The following TACC2 variants were observed in gnomAD, a reference collection of about 807,000 sequenced individuals.
TACC2 encodes transforming acidic coiled-coil-containing protein 2.
In TACC2, 137 loss-of-function variants were observed where a neutral mutation model predicts 227.3. The ratio of observed to expected loss-of-function variants is 0.60; its 90% CI spans 0.52 to 0.69. TACC2 has a LOEUF of 0.69. Among genes scored for constraint, TACC2 ranks in the 30% least tolerant of loss-of-function variants. The pLI is 0.00. For missense variants in TACC2, 3,470 were observed against 3,694.4 expected (o/e 0.94, Z 1.57); for synonymous variants, 1,523 against 1,487.5 (o/e 1.02, Z -0.55).
intron 7 of TACC2, among the ~76,000 whole-genome samples, chr10:122,167,921 C>G (rs2093270843): frequency 6.6e-6 from 1 of 152,140 alleles, no homozygotes; most frequent in African/African-American, 2.4e-5. Context: ...GTGTTTCACT[C>G]TGTTGCGCAG....
At chr10:122,015,595 T>C (rs916632553) in intron 1 of TACC2, among the ~76,000 whole-genome samples, 1 of 152,142 alleles carries the variant, frequency 6.6e-6, no homozygotes, top group Non-Finnish European at 1.5e-5. Flanking sequence ...TTCATGCCTG[T>C]AATCCTAGCA....
intron 7 of TACC2, among the ~76,000 whole-genome samples, chr10:122,173,861 G>A (rs942193127): frequency 3.3e-5 from 5 of 152,332 alleles, no homozygotes; most frequent in Admixed American, 1.3e-4. Context: ...GCCCCTCTCT[G>A]GGGGCACAGC....
At chr10:122,251,624 C>T (rs1442560683) in intron 22 of TACC2, among the ~76,000 whole-genome samples, 1 of 152,140 alleles carries the variant, frequency 6.6e-6, no homozygotes, top group African/African-American at 2.4e-5. Flanking sequence ...TGCTGGAGCC[C>T]AGAAGTTCGA....
At chr10:122,001,992 G>T (rs1209958008) in intron 1 of TACC2, among the ~76,000 whole-genome samples, 1 of 152,166 alleles carries the variant, frequency 6.6e-6, no homozygotes, top group Non-Finnish European at 1.5e-5. Context: ...TTCAGCCCAG[G>T]CTGCTATAAC....
At chr10:122,220,175 G>A (rs910736705) in intron 11 of TACC2, among the ~76,000 whole-genome samples, 4 of 151,752 alleles carry the variant, frequency 2.6e-5, no homozygotes, top group African/African-American at 9.7e-5. Flanking sequence ...AATACTAACA[G>A]TACTTTTAGG....
chr10:122,072,849 C>T (rs1343323932), intron 3 of TACC2, among the ~76,000 whole-genome samples: 1 of 152,076 alleles, frequency 6.6e-6, no homozygotes, highest in East Asian at 1.9e-4. Flanking sequence ...GGCGTGGCGG[C>T]TCACGCGTAA....
At chr10:122,225,757 G>T (rs117029457) in intron 12 of TACC2, among the ~76,000 whole-genome samples, 1 of 152,178 alleles carries the variant, frequency 6.6e-6, no homozygotes, top group Non-Finnish European at 1.5e-5. Context: ...AATTCGTGAG[G>T]AGCATGCCCT....
intron 5 of TACC2, 57 bp from the exon 6 acceptor site, chr10:122,132,552 A>C: frequency 1.2e-6 from 2 of 1,607,598 alleles, no homozygotes; most frequent in South Asian, 1.1e-5. Flanking sequence ...TCCGTCTCAA[A>C]ACAAAAACTT....
At chr10:122,224,499 T>C (rs1406290596) in intron 11 of TACC2, among the ~76,000 whole-genome samples, 1 of 152,146 alleles carries the variant, frequency 6.6e-6, no homozygotes, top group Non-Finnish European at 1.5e-5. Flanking sequence ...GCCTCCCTAA[T>C]GGCAGAAGCC....
chr10:122,083,953 GACCCT>G lies in TACC2; in HGVS notation c.1454_1458del (p.Asp485GlyfsTer22), dbSNP rs1565244337. On this transcript the variant is annotated frameshift_variant, in exon 4 of 23. Transcript: ENST00000369005. LOFTEE classifies it high-confidence loss of function. ...AAGCAAGGGAGAGCATCCAGAAGGGGACCCTGGAGAGGTTCCTGCCCCATCACCCC... is the reference window on the plus strand; with the variant it reads ...AAGCAAGGGAGAGCATCCAGAAGGGGGGAGAGGTTCCTGCCCCATCACCCC... The G allele has an allele frequency of 6.2e-7, 1 of 1,614,076 alleles. No homozygotes were observed. Among genetic ancestry groups the G allele is most frequent in the East Asian group, 2.2e-5 (1 of 44,866 alleles).
At chr10:122,077,726 G>C (rs1458968389) in intron 3 of TACC2, among the ~76,000 whole-genome samples, 1 of 152,250 alleles carries the variant, frequency 6.6e-6, no homozygotes, top group African/African-American at 2.4e-5. Context: ...AGAGGCTGGT[G>C]CAGGCAGCCA....
intron 1 of TACC2, among the ~76,000 whole-genome samples, chr10:122,012,283 G>A (rs1320373284): frequency 1.3e-5 from 2 of 151,770 alleles, no homozygotes; most frequent in East Asian, 3.9e-4. Flanking sequence ...AGCTGGGTGT[G>A]GTGGCACATG....
At chr10:122,047,995 A>G (rs544020107) in intron 2 of TACC2, among the ~76,000 whole-genome samples, 20 of 152,310 alleles carry the variant, frequency 1.3e-4, no homozygotes, top group Middle Eastern at 3.4e-3. Flanking sequence ...ACTCAGGGAA[A>G]TGCACCAGGT....
intron 5 of TACC2, among the ~76,000 whole-genome samples, chr10:122,118,457 G>A (rs1455511984): frequency 3.3e-5 from 5 of 152,142 alleles, no homozygotes; most frequent in Admixed American, 2.0e-4. Flanking sequence ...CAACCCCTGC[G>A]TCATTGCTCT....
At chr10:122,131,748 G>A (rs934612272) in intron 5 of TACC2, among the ~76,000 whole-genome samples, 2 of 152,106 alleles carry the variant, frequency 1.3e-5, no homozygotes, top group African/African-American at 4.8e-5. Context: ...GGGGCCAGGC[G>A]TGGTGGCTCA....
In TACC2 at chr10:122,103,243, T is replaced by G. The variant is rs547448632; in HGVS notation, c.5573+14652T>G. On this transcript the variant is annotated intron_variant, in intron 5 of 22. Coordinates refer to ENST00000369005, the MANE Select transcript of TACC2 (RefSeq NM_206862.4). ...AGAGTATATAAGAAATAACCCACAG[T>G]TTAGCTGTGGTCACTGTAGACTGGT... is the stretch of plus-strand genomic sequence containing the variant. 2.0e-5 allele frequency among the ~76,000 whole-genome samples: 3 copies of G among 152,276 alleles called. No homozygotes were observed. The East Asian group carries it at 5.8e-4, about 29-fold the overall frequency.
chr10:122,114,273 T>A (rs887015462), intron 5 of TACC2, among the ~76,000 whole-genome samples: 3 of 152,210 alleles, frequency 2.0e-5, no homozygotes, highest in Admixed American at 2.0e-4. Context: ...TGATTCCTTA[T>A]TGAGGCCACA....
intron 7 of TACC2, among the ~76,000 whole-genome samples, chr10:122,176,117 C>CTCTCTCTCTCTCTA (rs1447382017): frequency 3.7e-5 from 2 of 54,656 alleles, no homozygotes; most frequent in East Asian, 4.8e-4. Flanking sequence ...CTCTCTCTCT[C>CTCTCTCTCTCTCTA]TATATATATA....
chr10:122,174,652 T>A (rs1465734028), intron 7 of TACC2, among the ~76,000 whole-genome samples: 1 of 152,236 alleles, frequency 6.6e-6, no homozygotes, highest in African/African-American at 2.4e-5. Context: ...TAAATCAAGC[T>A]AATTAATGTA....
Sources: gnomAD v4.1 joint callset for allele counts (sites outside exome capture counted in the v4.1 genomes callset) on GRCh38, gnomAD v4.1.1 for gene constraint, MANE v1.5 for transcripts, NCBI Gene and HGNC (gene_info 2026-07-23, HGNC 2026-07-21) for gene names.